Variants in SYT17 observed in about 807,000 individuals in gnomAD.
SYT17 encodes synaptotagmin 17, also known as synaptotagmin-17.
SYT17 carries 22 observed loss-of-function variants against 46.7 expected under a neutral mutation model. That is an observed-to-expected ratio of 0.47 (90% confidence interval 0.34 to 0.67). The LOEUF (loss-of-function observed/expected upper bound fraction) is 0.67. SYT17 is among the 30% of genes least tolerant of loss of function. The pLI, the probability that SYT17 is intolerant of heterozygous loss-of-function variation, is 0.01. For missense variants in SYT17, 519 were observed against 612.8 expected, an observed-to-expected ratio of 0.85 and a Z score of 1.62; for synonymous variants, 251 against 248.4, an observed-to-expected ratio of 1.01 and a Z score of -0.10.
rs1596903044 is a variant in SYT17, at chr16:19,183,445, A to G, written c.332-83A>G. Reference sequence around the variant, plus strand: ...AGGTCATTCTGAAGCAGAGTAAACAATGCAAGAATCTGCTTACCTGCAAAG... The same window carrying G: ...AGGTCATTCTGAAGCAGAGTAAACAGTGCAAGAATCTGCTTACCTGCAAAG... On this transcript the variant is annotated intron_variant, in intron 4 of 7. Transcript: ENST00000355377. This position sits in a 1 kb window ranked among gnomAD's most constrained non-coding sequence, Gnocchi z 5.6. 1.3e-6 allele frequency: 2 copies of G among 1,542,134 alleles called. No homozygotes were observed. The highest frequency in any genetic ancestry group is 1.4e-5 in the African/African-American group (1 of 73,180).
intron 5 of SYT17, among the ~76,000 whole-genome samples, chr16:19,198,540 C>T (rs879720255): frequency 8.7e-4 from 133 of 152,320 alleles, no homozygotes; most frequent in Non-Finnish European, 1.8e-3. Flanking sequence ...CACCCAGGGG[C>T]TATTATTATT....
At chr16:19,266,243 C>A (rs914247245) in intron 7 of SYT17, among the ~76,000 whole-genome samples, 7 of 152,300 alleles carry the variant, frequency 4.6e-5, no homozygotes, top group Non-Finnish European at 7.4e-5. Flanking sequence ...CATGGCTTAA[C>A]CTAGTGGTTC....
chr16:19,202,903 T>G (rs1965520686), intron 5 of SYT17, among the ~76,000 whole-genome samples: 2 of 152,116 alleles, frequency 1.3e-5, no homozygotes, highest in South Asian at 4.1e-4. Context: ...TTTTTTTCTA[T>G]TTTTTGTAGA....
intron 7 of SYT17, among the ~76,000 whole-genome samples, chr16:19,230,299 C>T (rs917617832): frequency 2.6e-5 from 4 of 151,568 alleles, no homozygotes; most frequent in Non-Finnish European, 4.4e-5. Context: ...TCCAGCTACT[C>T]GGGAGGCTGA....
chr16:19,249,286 A>ATAAATAAATAAC (rs1376699073), intron 7 of SYT17, among the ~76,000 whole-genome samples: 4 of 134,950 alleles, frequency 3.0e-5, no homozygotes, highest in Non-Finnish European at 5.9e-5. Context: ...AAATAAATAA[A>ATAAATAAATAAC]TAAATAAATA....
chr16:19,181,246 G>A (rs942547923), intron 4 of SYT17, among the ~76,000 whole-genome samples: 14 of 152,304 alleles, frequency 9.2e-5, no homozygotes, highest in East Asian at 5.8e-4. Context: ...GTTGTGTGGC[G>A]TATGTGTTTG....
At chr16:19,229,591 G>A (rs1954469293) in intron 7 of SYT17, among the ~76,000 whole-genome samples, 1 of 152,198 alleles carries the variant, frequency 6.6e-6, no homozygotes. Context: ...TGAGATTTGG[G>A]TGGGGACACA....
chr16:19,218,530 G>A (rs189821748), intron 5 of SYT17, among the ~76,000 whole-genome samples: 2 of 152,330 alleles, frequency 1.3e-5, no homozygotes, highest in African/African-American at 4.8e-5. Context: ...GCTTTCTTAA[G>A]ATGAAAAACA....
chr16:19,189,684 C>G (rs937842545), intron 5 of SYT17, among the ~76,000 whole-genome samples: 1 of 152,198 alleles, frequency 6.6e-6, no homozygotes, highest in Non-Finnish European at 1.5e-5. Flanking sequence ...TAACATCTGC[C>G]TTCACCAAAT....
intron 7 of SYT17, among the ~76,000 whole-genome samples, chr16:19,242,775 C>T (rs1312884019): frequency 2.0e-5 from 3 of 152,060 alleles, no homozygotes; most frequent in Admixed American, 6.5e-5. Flanking sequence ...GCAATCTGCC[C>T]GTCTCGGCCT....
intron 7 of SYT17, among the ~76,000 whole-genome samples, chr16:19,243,818 TCAAAAAAA>T (rs1423102853): frequency 2.3e-4 from 5 of 21,390 alleles, no homozygotes; most frequent in African/African-American, 4.1e-4. Flanking sequence ...AAAAACTCCA[TCAAAAAAA>T]AAAAAAAAAA....
chr16:19,216,779 C>T (rs1331966994), intron 5 of SYT17, among the ~76,000 whole-genome samples: 4 of 152,152 alleles, frequency 2.6e-5, no homozygotes, highest in Non-Finnish European at 4.4e-5. Context: ...TCCTGTCTAT[C>T]ATTGTTGGAC....
intron 7 of SYT17, among the ~76,000 whole-genome samples, chr16:19,236,426 G>C (rs1966848842): frequency 6.6e-6 from 1 of 152,158 alleles, no homozygotes; most frequent in South Asian, 2.1e-4. Flanking sequence ...GCCAACTGCA[G>C]AGTGAGAGAA....
Position 19,267,106 on chromosome 16 carries a change from TTA to T in SYT17, c.*31_*32del. The T allele has an allele frequency of 8.7e-7, 1 of 1,143,578 alleles. No individual in the cohort carries two copies. Among genetic ancestry groups the T allele is most frequent in the South Asian group, 2.2e-5 (1 of 44,714 alleles). The allele number at this position is 1,143,578 out of a possible 1,614,324, so 70.8% of individuals were successfully genotyped here. On this transcript the variant is annotated 3_prime_UTR_variant, in exon 8 of 8. Coordinates refer to ENST00000355377, the MANE Select transcript of SYT17 (RefSeq NM_016524.4). ...TGCAGGGAAGGCAGCTTTCATTTGT[TTA>T]AAAAAAAAAAAAAAAGACGGAAAAA...
chr16:19,242,546 A>T (rs1967210501), intron 7 of SYT17, among the ~76,000 whole-genome samples: 1 of 151,960 alleles, frequency 6.6e-6, no homozygotes, highest in Admixed American at 6.5e-5. Flanking sequence ...TTTTTTTGAG[A>T]TGGGGTCTCA....
chr16:19,168,766 A>T lies in SYT17; in HGVS notation c.15+105A>T. ...GAGGGCCCACGGCTAGGCTCCCACA[A>T]ACTTGCTTCGAGAAAAAGGGTGCCC... is the stretch of plus-strand genomic sequence containing the variant. On this transcript the variant is annotated intron_variant, in intron 1 of 7. Transcript: ENST00000355377. This position sits in a 1 kb window ranked among gnomAD's most constrained non-coding sequence, Gnocchi z 6.9. 3.7e-6 allele frequency: 5 copies of T among 1,347,664 alleles called. No homozygotes were observed. The highest frequency in any genetic ancestry group is 4.9e-6 in the Non-Finnish European group (5 of 1,023,690). The allele number at this position is 1,347,664 out of a possible 1,614,324, so 83.5% of individuals were successfully genotyped here.
rs1258223617 is a variant in SYT17, at chr16:19,183,524, T to C, written c.332-4T>C. The C allele has an allele frequency of 2.5e-6, 4 of 1,613,034 alleles. No individual in the cohort carries two copies. Among genetic ancestry groups the C allele is most frequent in the Non-Finnish European group, 3.4e-6 (4 of 1,179,212 alleles). Reference sequence around the variant, plus strand: ...TCTTCATTGTTATTTCTGGTGGCTCTCAGGTCTTGAGTCAAGACGTCCCAG... The same window carrying C: ...TCTTCATTGTTATTTCTGGTGGCTCCCAGGTCTTGAGTCAAGACGTCCCAG... On this transcript the variant is annotated splice_region_variant and splice_polypyrimidine_tract_variant and intron_variant, in intron 4 of 7. Coordinates refer to ENST00000355377, the MANE Select transcript of SYT17 (RefSeq NM_016524.4). This position sits in a 1 kb window ranked among gnomAD's most constrained non-coding sequence, Gnocchi z 5.6.
chr16:19,180,125 C>T (rs1964487235), intron 3 of SYT17: 1 of 411,474 alleles, frequency 2.4e-6, no homozygotes, highest in Non-Finnish European at 4.5e-6. Flanking sequence ...ACACAGCTCT[C>T]CACCCAACCC....
chr16:19,227,158 T>TA (rs1236671944), intron 7 of SYT17, among the ~76,000 whole-genome samples: 1 of 152,212 alleles, frequency 6.6e-6, no homozygotes, highest in African/African-American at 2.4e-5. Context: ...TGCTGAGCAC[T>TA]GTGCCACCCA....
Sources: allele counts gnomAD v4.1 joint callset (sites outside exome capture counted in the v4.1 genomes callset), GRCh38; gene constraint gnomAD v4.1.1; non-coding constraint Gnocchi (gnomAD v3.1); transcripts MANE v1.5; gene names NCBI Gene and HGNC (gene_info 2026-07-23, HGNC 2026-07-21).